Variants in TMEM163 observed in about 807,000 individuals in gnomAD.
TMEM163 encodes transmembrane protein 163.
TMEM163 carries 17 observed loss-of-function variants against 29.3 expected under a neutral mutation model. The observed-to-expected ratio is 0.58, with a 90% confidence interval of 0.40 to 0.87. The LOEUF (loss-of-function observed/expected upper bound fraction) is 0.87, where lower values mean the gene tolerates loss of function less well. Ranked by LOEUF, TMEM163 falls within the 40% of genes least tolerant of loss-of-function variation. The pLI, the probability that TMEM163 is intolerant of heterozygous loss-of-function variation, is 0.00. For missense variants in TMEM163, 303 were observed against 381.5 expected, an observed-to-expected ratio of 0.79 and a Z score of 1.71; for synonymous variants, 157 against 160.6, an observed-to-expected ratio of 0.98 and a Z score of 0.17.
chr2:134,484,058 C>T (rs1364534426), intron 5 of TMEM163, among the ~76,000 whole-genome samples: 1 of 152,022 alleles, frequency 6.6e-6, no homozygotes, highest in Admixed American at 6.5e-5. Flanking sequence ...AGGAGAATCC[C>T]TTGAACCCAG....
At chr2:134,463,847 T>A (rs1382046594) in intron 6 of TMEM163, among the ~76,000 whole-genome samples, 1 of 152,248 alleles carries the variant, frequency 6.6e-6, no homozygotes, top group East Asian at 1.9e-4. Flanking sequence ...AACTTCACGC[T>A]CCAACAGCAT....
chr2:134,461,468 T>G (rs901458855), intron 6 of TMEM163, among the ~76,000 whole-genome samples: 8 of 152,054 alleles, frequency 5.3e-5, no homozygotes, highest in African/African-American at 1.9e-4. Flanking sequence ...TCCAGAGCGC[T>G]CCCCCAGTGC....
At chr2:134,651,292 C>A (rs1683473596) in intron 2 of TMEM163, among the ~76,000 whole-genome samples, 1 of 138,436 alleles carries the variant, frequency 7.2e-6, no homozygotes, top group Non-Finnish European at 1.5e-5. Context: ...CTCTGATGGC[C>A]AGTGATGATG....
intron 2 of TMEM163, among the ~76,000 whole-genome samples, chr2:134,703,300 G>A (rs1238620089): frequency 6.6e-6 from 1 of 152,156 alleles, no homozygotes; most frequent in Admixed American, 6.5e-5. Context: ...GAGGTCAGGT[G>A]CTCCATGAGA....
intron 2 of TMEM163, among the ~76,000 whole-genome samples, chr2:134,640,823 T>C (rs1178576147): frequency 6.6e-6 from 1 of 152,174 alleles, no homozygotes; most frequent in Non-Finnish European, 1.5e-5. Flanking sequence ...TAATACTCAA[T>C]GTCCTCAAAC....
At chr2:134,488,688 C>T (rs1435842415) in intron 5 of TMEM163, among the ~76,000 whole-genome samples, 1 of 152,172 alleles carries the variant, frequency 6.6e-6, no homozygotes. Flanking sequence ...CACACATATC[C>T]TATTAGTTCT....
intron 1 of TMEM163, among the ~76,000 whole-genome samples, chr2:134,715,972 GA>G (rs1394994437): frequency 6.6e-6 from 1 of 152,170 alleles, no homozygotes; most frequent in Non-Finnish European, 1.5e-5. Flanking sequence ...TTGGAGAGGG[GA>G]AAGGTACAAA....
intron 2 of TMEM163, among the ~76,000 whole-genome samples, chr2:134,634,619 TGGAGG>T (rs1683064162): frequency 6.6e-6 from 1 of 151,856 alleles, no homozygotes; most frequent in Non-Finnish European, 1.5e-5. Flanking sequence ...AGGATTAAGG[TGGAGG>T]GGGAGAAGAA....
At chr2:134,612,962 C>T (rs1347959837) in intron 2 of TMEM163, among the ~76,000 whole-genome samples, 1 of 152,176 alleles carries the variant, frequency 6.6e-6, no homozygotes, top group African/African-American at 2.4e-5. Context: ...TAGACAAAAA[C>T]TTTAAGTCAG....
chr2:134,650,508 T>G (rs149068032), intron 2 of TMEM163, among the ~76,000 whole-genome samples: 2,547 of 135,394 alleles, frequency 0.019, 149 homozygotes, highest in African/African-American at 0.068. Context: ...TATTTCTTTT[T>G]TTTGTTTGTT....
chr2:134,538,410 T>G (rs1484492501), intron 4 of TMEM163, among the ~76,000 whole-genome samples: 1 of 152,178 alleles, frequency 6.6e-6, no homozygotes, highest in Non-Finnish European at 1.5e-5. Flanking sequence ...GATATTTCAT[T>G]ACAGCAGCCC....
rs112420995 is a variant in TMEM163 at position 134,637,416 on chromosome 2, G to C, written c.322+75784C>G. Among the ~76,000 whole-genome samples the C allele has an allele frequency of 1.1e-3, 162 of 152,316 alleles. 1 individual carries two copies. Among genetic ancestry groups the C allele is most frequent in the African/African-American group, 3.8e-3 (157 of 41,570 alleles). On this transcript the variant is annotated intron_variant, in intron 2 of 7. Transcript: ENST00000281924. ...AGGGCTGGTTCCCGCCTGGCAGCCT[G>C]TGCTGCCAGGATGGGCTCCAGCCAT...
intron 6 of TMEM163, among the ~76,000 whole-genome samples, chr2:134,459,589 G>A (rs746880787): frequency 5.3e-5 from 7 of 132,222 alleles, no homozygotes; most frequent in African/African-American, 9.1e-5. Flanking sequence ...CACAAAACCC[G>A]CAGAAGAGTC....
chr2:134,661,977 G>A (rs1214957770), intron 2 of TMEM163, among the ~76,000 whole-genome samples: 1 of 138,854 alleles, frequency 7.2e-6, no homozygotes, highest in Non-Finnish European at 1.5e-5. Context: ...TGTCACCCAG[G>A]CTGGAGTGCA....
At chr2:134,513,262 T>C (rs1481239472) in intron 4 of TMEM163, among the ~76,000 whole-genome samples, 5 of 152,174 alleles carry the variant, frequency 3.3e-5, no homozygotes, top group Non-Finnish European at 7.3e-5. Flanking sequence ...GGAGTGCAGC[T>C]GTGGACGCAG....
At position 134,638,169 on chromosome 2, in the gene TMEM163, C is replaced by T. The variant is rs34009083; in HGVS notation, c.322+75031G>A. Among the ~76,000 whole-genome samples the T allele has an allele frequency of 4.8e-3, 724 of 152,308 alleles. 8 individuals are homozygous for T. Among genetic ancestry groups the T allele is most frequent in the South Asian group, 4.8e-3 (23 of 4,822 alleles). Reference sequence around the variant, plus strand: ...TTTGTTCCGTATCAGCAAATAGACACATACCTCATTATTATTAATAGCCGC... The same window carrying T: ...TTTGTTCCGTATCAGCAAATAGACATATACCTCATTATTATTAATAGCCGC... On this transcript the variant is annotated intron_variant, in intron 2 of 7. Coordinates refer to ENST00000281924, the MANE Select transcript of TMEM163 (RefSeq NM_030923.5).
chr2:134,610,670 C>T (rs1682487567), intron 2 of TMEM163, among the ~76,000 whole-genome samples: 1 of 152,162 alleles, frequency 6.6e-6, no homozygotes, highest in Non-Finnish European at 1.5e-5. Flanking sequence ...ACGTTTGAGT[C>T]ACCTGGAGAT....
At chr2:134,617,978 G>A (rs1682646118) in intron 2 of TMEM163, among the ~76,000 whole-genome samples, 1 of 152,082 alleles carries the variant, frequency 6.6e-6, no homozygotes, top group African/African-American at 2.4e-5. Flanking sequence ...GCCAGGCATA[G>A]TGGCATGCAT....
At chr2:134,606,638 C>T (rs1221557063) in intron 2 of TMEM163, among the ~76,000 whole-genome samples, 2 of 152,134 alleles carry the variant, frequency 1.3e-5, no homozygotes, top group Admixed American at 6.5e-5. Context: ...CATCGCGCCC[C>T]AGCACCTATA....
Sources: gnomAD v4.1 joint callset for allele counts (sites outside exome capture counted in the v4.1 genomes callset) on GRCh38, gnomAD v4.1.1 for gene constraint, MANE v1.5 for transcripts, NCBI Gene and HGNC (gene_info 2026-07-23, HGNC 2026-07-21) for gene names.